TAL1: variants seen among roughly 807,000 people sequenced by gnomAD.
TAL1 encodes the protein T-cell acute lymphocytic leukemia protein 1.
In TAL1, 8 loss-of-function variants were observed where a neutral mutation model predicts 17.9. The ratio of observed to expected loss-of-function variants is 0.45; its 90% CI spans 0.26 to 0.81. The LOEUF is 0.81. TAL1 is among the 30% of genes least tolerant of loss of function. The pLI is 0.17. For synonymous variants in TAL1, 223 were observed against 218.6 expected (o/e 1.02, Z -0.18); for missense variants, 466 against 486.9 (o/e 0.96, Z 0.40).
chr1:47,218,036 A>G (rs533584727), exon 4 of TAL1: 350 of 314,730 alleles, frequency 1.1e-3, no homozygotes, highest in Non-Finnish European at 1.7e-3. Context: ...CTGTCTGTAC[A>G]TGGCTGAATT....
At chr1:47,224,873 C>T (rs182485475) in intron 2 of TAL1, among the ~76,000 whole-genome samples, 3 of 152,326 alleles carry the variant, frequency 2.0e-5, no homozygotes, top group African/African-American at 7.2e-5. Context: ...GGGCCAGAGA[C>T]CACGGCTAGG....
exon 2 of TAL1, chr1:47,225,728 A>T (rs763984303): frequency 6.6e-7 from 1 of 1,510,924 alleles, no homozygotes; most frequent in African/African-American, 1.4e-5. Flanking sequence ...GCGCGCGCCC[A>T]GTTCGATGAC....
chr1:47,219,740 C>G, exon 4 of TAL1: 1 of 1,610,114 alleles, frequency 6.2e-7, no homozygotes, highest in Middle Eastern at 1.7e-4. Context: ...CCGGCTCCAT[C>G]GGCGGCAGGC....
chr1:47,217,628 C>T lies in TAL1; in HGVS notation c.*2092G>A, dbSNP rs564007724. The T allele has an allele frequency of 1.4e-4, 54 of 398,622 alleles. No individual in the cohort carries two copies. In the East Asian group the frequency reaches 1.9e-3, roughly 14 times the overall value. 24.7% of individuals were successfully genotyped at this position (398,622 alleles called of 1,614,324 possible). ...TACTTTCATGATCCCATTCAGTCCACACCATAGCCCTAGGAGATAGGCCAA... is the reference window on the plus strand; with the variant it reads ...TACTTTCATGATCCCATTCAGTCCATACCATAGCCCTAGGAGATAGGCCAA... On this transcript the variant is annotated 3_prime_UTR_variant, in exon 4 of 4. Transcript: ENST00000294339.
At chr1:47,230,564 G>C (rs1307629718), upstream of TAL1, 1 of 152,064 alleles carries the variant, frequency 6.6e-6, no homozygotes, top group Non-Finnish European at 1.5e-5. Context: ...GTTAATGTTT[G>C]CCTTATGACC....
At chr1:47,221,647 C>T (rs80073009) in intron 3 of TAL1, among the ~76,000 whole-genome samples, 5,246 of 152,180 alleles carry the variant, frequency 0.034, 138 homozygotes, top group Middle Eastern at 0.051. Context: ...ATTTATTTTC[C>T]CTCTTCTAGT....
chr1:47,231,817 C>A (rs915965198), upstream of TAL1: 6 of 233,732 alleles, frequency 2.6e-5, no homozygotes, highest in Non-Finnish European at 5.1e-5. Context: ...TTAGAAGCAG[C>A]CAACGCCGCC....
At chr1:47,225,934 G>A (rs759723858) in intron 1 of TAL1, 45 bp from the exon 3 acceptor site, 5 of 1,540,794 alleles carry the variant, frequency 3.2e-6, no homozygotes, top group Admixed American at 1.9e-5. Context: ...TCTGACGACC[G>A]CCCCTGACCC....
At chr1:47,224,244 A>G in intron 2 of TAL1, 146 bp from the exon 4 acceptor site, 2 of 651,216 alleles carry the variant, frequency 3.1e-6, no homozygotes, top group Non-Finnish European at 5.5e-6. Context: ...ATAGGCACAC[A>G]CAGACACACA....
chr1:47,225,343 C>A, intron 2 of TAL1, 100 bp downstream of exon 3: 1 of 1,120,068 alleles, frequency 8.9e-7, no homozygotes, highest in South Asian at 4.6e-5. Context: ...CCGCTCGGCC[C>A]CCAGGGCAGG....
chr1:47,228,293 G>T (rs899466552), intron 1 of TAL1: 1 of 175,900 alleles, frequency 5.7e-6, no homozygotes, highest in African/African-American at 2.4e-5. Flanking sequence ...AACACTGATG[G>T]TTGTTGGCGA....
chr1:47,219,522 T>C, exon 4 of TAL1: 2 of 855,920 alleles, frequency 2.3e-6, no homozygotes, highest in Non-Finnish European at 3.8e-6. Flanking sequence ...GCTCCATTTT[T>C]CTGATCTCCT....
In TAL1 at chr1:47,225,539, C is replaced by T. The variant is rs1008530546; in HGVS notation, c.350G>A (p.Arg117His). Residue 117 changes from arginine to histidine, a missense_variant, in exon 2 of 4, where the codon CGC (arginine) becomes CAC (histidine). Physicochemically the swap from Arg to His is conservative, Grantham distance 29. This residue lies in a region of TAL1 where 158 missense variants were observed against 151.7 expected (regional missense o/e 1.04). Transcript: ENST00000294339. ...CGCGGGAGGACTCAGCTGCACCATG[C>T]GGCCGTCGCCGGGCAGCTCCGCTGT... is the stretch of plus-strand genomic sequence containing the variant. The T allele has an allele frequency of 4.7e-6, 6 of 1,269,856 alleles. No individual in the cohort carries two copies. The African/African-American group carries it at 6.2e-5, about 13-fold the overall frequency. The allele number at this position is 1,269,856 out of a possible 1,614,324, so 78.7% of individuals were successfully genotyped here.
upstream of TAL1, chr1:47,232,142 C>T: frequency 4.5e-6 from 1 of 221,370 alleles, no homozygotes; most frequent in Non-Finnish European, 9.1e-6. Context: ...TTGCTTTTCC[C>T]CTAGAAAAAG....
At chr1:47,219,801 C>T (rs760599494) in exon 4 of TAL1, 18 of 1,610,708 alleles carry the variant, frequency 1.1e-5, no homozygotes, top group Admixed American at 3.3e-5. Context: ...CGGGCTCCTC[C>T]GTGTAGCTGT....
chr1:47,217,294 G>A (rs181722922), exon 4 of TAL1: 22 of 383,718 alleles, frequency 5.7e-5, no homozygotes. Context: ...AGGCTGAGGT[G>A]AGAGGATTGC....
intron 2 of TAL1, 111 bp downstream of exon 3, chr1:47,225,332 C>G (rs1643890429): frequency 9.6e-7 from 1 of 1,039,980 alleles, no homozygotes; most frequent in South Asian, 5.0e-5. Context: ...CTGCGCTCCA[C>G]CCGCTCGGCC....
At chr1:47,219,947 C>T in exon 4 of TAL1, 1 of 1,470,744 alleles carries the variant, frequency 6.8e-7, no homozygotes. Context: ...GGGTCCTTGC[C>T]AGTCTTGGCC....
chr1:47,218,199 G>A (rs1400526012), exon 4 of TAL1: 2 of 235,272 alleles, frequency 8.5e-6, no homozygotes, highest in Non-Finnish European at 1.7e-5. Flanking sequence ...TAGAGGGAGA[G>A]GGCTAGGGTG....
Sources: allele counts gnomAD v4.1 joint callset (sites outside exome capture counted in the v4.1 genomes callset), GRCh38; gene constraint gnomAD v4.1.1; regional missense constraint gnomAD v4.1.1; transcripts MANE v1.5; gene names NCBI Gene and HGNC (gene_info 2026-07-23, HGNC 2026-07-21).